The following CIMAP2 variants were observed in gnomAD, a reference collection of about 807,000 sequenced individuals.
CIMAP2 encodes the protein ciliary microtubule-associated protein 2.
chr1:54,807,093 C>T, the CIMAP2 span: 1 of 1,607,824 alleles, frequency 6.2e-7, no homozygotes, highest in Non-Finnish European at 8.5e-7. Context: ...GGTGAGTTTG[C>T]ACAGCTTCCC....
chr1:54,814,786 C>T, the CIMAP2 span: 17 of 1,351,604 alleles, frequency 1.3e-5, no homozygotes, highest in Non-Finnish European at 1.6e-5. Context: ...GTACCTCCAC[C>T]GTCCTTGGCT....
chr1:54,806,065 A>C, the CIMAP2 span: 1 of 1,462,012 alleles, frequency 6.8e-7, no homozygotes, highest in South Asian at 1.3e-5. Context: ...GGCGCATCAC[A>C]AGGCCCGGGT....
the CIMAP2 span, among the ~76,000 whole-genome samples, chr1:54,828,564 T>C: frequency 6.6e-6 from 1 of 152,146 alleles, no homozygotes; most frequent in Non-Finnish European, 1.5e-5. Flanking sequence ...ACTCCTGGGC[T>C]CAAGTGATCC....
the CIMAP2 span, chr1:54,812,088 C>T: frequency 6.2e-7 from 1 of 1,614,196 alleles, no homozygotes; most frequent in Non-Finnish European, 8.5e-7. Context: ...CAAAAGCGAC[C>T]TTGAGACATA....
chr1:54,834,839 A>T, the CIMAP2 span, among the ~76,000 whole-genome samples: 1 of 152,238 alleles, frequency 6.6e-6, no homozygotes, highest in Non-Finnish European at 1.5e-5. Flanking sequence ...GTGCTCAAAA[A>T]GTTTTAGATT....
the CIMAP2 span, chr1:54,811,676 A>C: frequency 8.6e-7 from 1 of 1,159,546 alleles, no homozygotes; most frequent in Non-Finnish European, 1.3e-6. Flanking sequence ...TAGCAAGCGG[A>C]CACCCTGAAA....
the CIMAP2 span, chr1:54,811,773 G>GCCCCCACCCCCCCC: frequency 2.3e-6 from 3 of 1,325,052 alleles, no homozygotes; most frequent in East Asian, 2.5e-5. Context: ...CAGCCTCCAT[G>GCCCCCACCCCCCCC]CCCCCACCCC....
At chr1:54,815,147 C>A in the CIMAP2 span, 2 of 1,466,868 alleles carry the variant, frequency 1.4e-6, no homozygotes, top group Non-Finnish European at 1.9e-6. Flanking sequence ...GAGCCATATG[C>A]CTCCCCTTTC....
At chr1:54,831,459 C>T in the CIMAP2 span, among the ~76,000 whole-genome samples, 1 of 151,816 alleles carries the variant, frequency 6.6e-6, no homozygotes, top group Non-Finnish European at 1.5e-5. Context: ...TTGAGACCAG[C>T]CTGGCCAAAA....
the CIMAP2 span, among the ~76,000 whole-genome samples, chr1:54,812,809 G>A: frequency 1.3e-5 from 2 of 152,236 alleles, no homozygotes; most frequent in South Asian, 2.1e-4. Flanking sequence ...AGGTACAGGG[G>A]AAAGCAGCCC....
chr1:54,806,884 C>T, the CIMAP2 span: 2 of 976,930 alleles, frequency 2.0e-6, no homozygotes, highest in African/African-American at 1.6e-5. Flanking sequence ...CTTTCATGAG[C>T]TTGCTCCAAA....
the CIMAP2 span, among the ~76,000 whole-genome samples, chr1:54,831,673 GA>G: frequency 5.9e-5 from 9 of 151,974 alleles, no homozygotes; most frequent in Non-Finnish European, 1.3e-4. Context: ...GAAAGGGGAA[GA>G]CATGCATGTA....
chr1:54,808,955 C>T, the CIMAP2 span, among the ~76,000 whole-genome samples: 1 of 152,056 alleles, frequency 6.6e-6, no homozygotes, highest in Non-Finnish European at 1.5e-5. Flanking sequence ...CTAGGAATGC[C>T]CTTCCTCCCT....
chr1:54,808,479 G>A, the CIMAP2 span, among the ~76,000 whole-genome samples: 2 of 152,264 alleles, frequency 1.3e-5, no homozygotes, highest in East Asian at 3.9e-4. Context: ...CAGACCGGCA[G>A]GCAGGAGGCC....
the CIMAP2 span, among the ~76,000 whole-genome samples, chr1:54,809,634 A>T: frequency 1.3e-5 from 2 of 152,130 alleles, no homozygotes. Flanking sequence ...TTTGAATCCC[A>T]GGTGTCCAAC....
At chr1:54,831,913 C>T in the CIMAP2 span, among the ~76,000 whole-genome samples, 11 of 152,192 alleles carry the variant, frequency 7.2e-5, no homozygotes, top group Non-Finnish European at 1.2e-4. Flanking sequence ...GTGGCACAAT[C>T]ACAGCTCGCT....
At chr1:54,829,013 C>A in the CIMAP2 span, among the ~76,000 whole-genome samples, 1 of 152,182 alleles carries the variant, frequency 6.6e-6, no homozygotes, top group South Asian at 2.1e-4. Context: ...CTTTAAAATG[C>A]ATTGACATAT....
At chr1:54,819,533 C>T in the CIMAP2 span, among the ~76,000 whole-genome samples, 29,559 of 152,130 alleles carry the variant, frequency 0.19, 2,969 homozygotes, top group East Asian at 0.34. Context: ...TGACTGGCTA[C>T]TTTTTAATTT....
chr1:54,813,612 G>A, the CIMAP2 span, among the ~76,000 whole-genome samples: 21 of 152,146 alleles, frequency 1.4e-4, no homozygotes, highest in Non-Finnish European at 3.1e-4. Context: ...GCCCCGACCC[G>A]CTGGTTGGGG....
Sources: allele counts gnomAD v4.1 joint callset (sites outside exome capture counted in the v4.1 genomes callset), GRCh38; gene constraint gnomAD v4.1.1; transcripts MANE v1.5; gene names NCBI Gene and HGNC (gene_info 2026-07-23, HGNC 2026-07-21).